The following SBNO1 variants were observed in gnomAD, a reference collection of about 807,000 sequenced individuals.
SBNO1 encodes the protein strawberry notch homolog 1.
A neutral mutation model predicts 173.6 loss-of-function variants in SBNO1; 23 were observed. The ratio of observed to expected loss-of-function variants is 0.13; its 90% CI spans 0.10 to 0.19. SBNO1 has a LOEUF of 0.19. Among genes scored for constraint, SBNO1 ranks in the 10% least tolerant of loss-of-function variants. SBNO1 has a pLI of 1.00. For missense variants in SBNO1, 1,238 were observed against 1,671.2 expected (o/e 0.74, Z 4.52); for synonymous variants, 632 against 571.5 (o/e 1.11, Z -1.51).
At chr12:123,315,772 A>G in intron 21 of SBNO1, 112 bp from the exon 22 acceptor site, 1 of 633,298 alleles carries the variant, frequency 1.6e-6, no homozygotes, top group Admixed American at 2.7e-5. Context: ...ACCACTAAAC[A>G]ATAAAAATTA....
At chr12:123,329,588 T>C (rs936030993) in intron 9 of SBNO1, among the ~76,000 whole-genome samples, 1 of 151,358 alleles carries the variant, frequency 6.6e-6, no homozygotes, top group Non-Finnish European at 1.5e-5. Context: ...AATACTACTC[T>C]GAAATTTAAA....
At chr12:123,316,522 C>G (rs1382570173) in intron 21 of SBNO1, among the ~76,000 whole-genome samples, 1 of 151,716 alleles carries the variant, frequency 6.6e-6, no homozygotes, top group East Asian at 1.9e-4. Context: ...CTGCGCCCAG[C>G]CTGTTTTTGT....
chr12:123,297,782 C>T (rs2048658159), intron 31 of SBNO1, among the ~76,000 whole-genome samples, 196 bp downstream of exon 31: 1 of 152,122 alleles, frequency 6.6e-6, no homozygotes, highest in South Asian at 2.1e-4. Flanking sequence ...CACATCATAA[C>T]TTCAACCAGA....
chr12:123,303,894 A>C (rs2048851261), intron 29 of SBNO1, among the ~76,000 whole-genome samples: 1 of 151,238 alleles, frequency 6.6e-6, no homozygotes, highest in African/African-American at 2.4e-5. Flanking sequence ...TATCTTAAAC[A>C]ATTTCAATAT....
At chr12:123,361,341 G>C (rs532493769) in intron 1 of SBNO1, among the ~76,000 whole-genome samples, 1 of 152,098 alleles carries the variant, frequency 6.6e-6, no homozygotes, top group South Asian at 2.1e-4. Context: ...CTCAGGTCGG[G>C]AGTTCAAGAA....
rs1267855495 is a variant in SBNO1, at chr12:123,348,091, C to T, written c.175G>A (p.Ala59Thr). ...GGTTCTTGTTTAACAGGAACTGCTG[C>T]TTCGGTCTCCAAACCTAGTTCTAAT... is the stretch of plus-strand genomic sequence containing the variant. ...SALELGLETEAAVPVKQEPET... is the reference protein window; with the variant it reads ...SALELGLETETAVPVKQEPET... Residue 59 changes from alanine (A) to threonine (T), a missense_variant, in exon 3 of 32, where the codon GCA becomes ACA. By Grantham distance (58) the Ala-to-Thr change is moderately conservative. This residue lies in a region of SBNO1 where 287 missense variants were observed against 274.1 expected (regional missense o/e 1.05). Coordinates refer to ENST00000602398, the MANE Select transcript of SBNO1 (RefSeq NM_001167856.3). 6.2e-7 allele frequency: 1 copy of T among 1,611,934 alleles called. No individual in the cohort carries two copies. Among genetic ancestry groups the T allele is most frequent in the Non-Finnish European group, 8.5e-7 (1 of 1,178,366 alleles).
chr12:123,321,403 G>A (rs11057265), intron 17 of SBNO1, 132 bp downstream of exon 17: 16,896 of 697,092 alleles, frequency 0.024, 279 homozygotes, highest in Non-Finnish European at 0.03. Flanking sequence ...GATAAGCCTG[G>A]AGCTTTCCAC....
intron 1 of SBNO1, among the ~76,000 whole-genome samples, chr12:123,354,550 C>A (rs1053044129): frequency 3.3e-5 from 5 of 152,110 alleles, no homozygotes; most frequent in African/African-American, 1.2e-4. Flanking sequence ...TTAGGCAAAA[C>A]CCTTAGTATG....
intron 1 of SBNO1, among the ~76,000 whole-genome samples, chr12:123,362,779 A>T (rs1875505086): frequency 6.6e-6 from 1 of 151,296 alleles, no homozygotes; most frequent in Non-Finnish European, 1.5e-5. Flanking sequence ...AAAAAAAAAA[A>T]AAAAAAAAAA....
chr12:123,322,590 C>A (rs1398485548), intron 16 of SBNO1, among the ~76,000 whole-genome samples: 1 of 151,884 alleles, frequency 6.6e-6, no homozygotes, highest in Non-Finnish European at 1.5e-5. Flanking sequence ...AGCCACTGTG[C>A]CCGGCGAGAA....
Position 123,340,303 on chromosome 12 carries a change from G to A in SBNO1, c.651+685C>T, listed in dbSNP as rs150202132. Among the ~76,000 whole-genome samples the A allele has an allele frequency of 3.2e-4, 49 of 152,186 alleles. No individual in the cohort carries two copies. In the East Asian group the frequency reaches 4.8e-3, roughly 15 times the overall value. Reference sequence around the variant, plus strand: ...AAATGTTAAGAATTCTAACCAGGCCGGGTGCAGTGGCTCACGCCTGTAATC... The same window carrying A: ...AAATGTTAAGAATTCTAACCAGGCCAGGTGCAGTGGCTCACGCCTGTAATC... On this transcript the variant is annotated intron_variant, in intron 5 of 31. Transcript: ENST00000602398.
chr12:123,311,082 G>A lies in SBNO1; in HGVS notation c.3268C>T (p.Arg1090Cys), dbSNP rs546657066. The stretch of plus-strand genomic sequence containing the variant: ...TTATCGAGAGTAAGAATTCCCGAGC[G>A]ATCTTCTACATTTATCAGGCCAACG... ...IGVGLINVED[R>C]SGILTLDKDY... Residue 1090 changes from arginine (R) to cysteine (C), a missense_variant, in exon 25 of 32, where the codon CGC becomes TGC. Arg to Cys is a radical substitution (Grantham distance 180). This residue lies in a region of SBNO1 where 351 missense variants were observed against 420.3 expected (regional missense o/e 0.84). Coordinates refer to ENST00000602398, the MANE Select transcript of SBNO1 (RefSeq NM_001167856.3). 41 of 1,613,362 alleles carry A rather than the reference G, an allele frequency of 2.5e-5. No individual in the cohort carries two copies. Among genetic ancestry groups the A allele is most frequent in the African/African-American group, 5.3e-5 (4 of 75,036 alleles).
intron 5 of SBNO1, among the ~76,000 whole-genome samples, chr12:123,339,157 T>G (rs1307735578): frequency 6.6e-6 from 1 of 152,182 alleles, no homozygotes; most frequent in Admixed American, 6.6e-5. Context: ...ACTATTGTTC[T>G]CCTGGTTCCC....
rs770203647 is a variant in SBNO1, at chr12:123,348,049, G to C, written c.217C>G (p.Pro73Ala). ...VKQEPETVPT[P>A]ALLNVRQQPP... ...CTTACCCTCACATTTAATAGTGCTGGAGTAGGTACAGTCTCTGGTTCTTGT... is the reference window on the plus strand; with the variant it reads ...CTTACCCTCACATTTAATAGTGCTGCAGTAGGTACAGTCTCTGGTTCTTGT... Residue 73 changes from proline (P) to alanine (A), a missense_variant, in exon 3 of 32, where the codon CCA (proline) becomes GCA (alanine). Transcript: ENST00000602398. The C allele has an allele frequency of 2.5e-6, 4 of 1,604,264 alleles. No homozygotes were observed. The highest frequency in any genetic ancestry group is 1.7e-5 in the Admixed American group (1 of 59,906).
At position 123,303,001 on chromosome 12, in the gene SBNO1, C is replaced by A. The variant is rs570427677; in HGVS notation, c.3769-101G>T. Reference sequence around the variant, plus strand: ...CTAGAGGTAGCCAATTTAAAATAATCTCTACACAAAAAGCCTAACCCTTGC... The same window carrying A: ...CTAGAGGTAGCCAATTTAAAATAATATCTACACAAAAAGCCTAACCCTTGC... On this transcript the variant is annotated intron_variant, in intron 29 of 31. Coordinates refer to ENST00000602398, the MANE Select transcript of SBNO1 (RefSeq NM_001167856.3). The A allele has an allele frequency of 4.8e-5, 42 of 870,458 alleles. 1 individual carries two copies. The highest frequency in any genetic ancestry group is 4.4e-4 in the South Asian group (30 of 68,584). The allele number at this position is 870,458 out of a possible 1,614,324, so 53.9% of individuals were successfully genotyped here. A position where few individuals can be genotyped will look rare whatever the true frequency, so the allele number is the denominator to read the frequency against.
chr12:123,334,020 A>G, intron 7 of SBNO1, 33 bp downstream of exon 7: 2 of 1,438,336 alleles, frequency 1.4e-6, no homozygotes, highest in Non-Finnish European at 1.9e-6. Context: ...ATAGGATAAA[A>G]TAATTATTGT....
chr12:123,298,347 A>G (rs1024196091), intron 30 of SBNO1, among the ~76,000 whole-genome samples, 176 bp from the exon 31 acceptor site: 13 of 151,934 alleles, frequency 8.6e-5, no homozygotes, highest in African/African-American at 2.7e-4. Context: ...GCTCATTGCA[A>G]CCTCTGCCTC....
chr12:123,306,972 TAGG>T (rs1021404226), intron 28 of SBNO1, among the ~76,000 whole-genome samples: 2 of 137,360 alleles, frequency 1.5e-5, no homozygotes, highest in African/African-American at 5.5e-5. Flanking sequence ...CATTTAAGCC[TAGG>T]AGTTTGAGAC....
Position 123,327,885 on chromosome 12 carries a change from T to C in SBNO1, c.1432+7A>G, listed in dbSNP as rs1016288517. On this transcript the variant is annotated splice_region_variant and intron_variant, in intron 11 of 31. Coordinates refer to ENST00000602398, the MANE Select transcript of SBNO1 (RefSeq NM_001167856.3). The stretch of plus-strand genomic sequence containing the variant: ...CAATATATATTTTTAAATAAATAAA[T>C]ACTCACCAGTTGCACTAGCATAAAC... 8.1e-6 allele frequency: 13 copies of C among 1,602,698 alleles called. No individual in the cohort carries two copies. The highest frequency in any genetic ancestry group is 1.1e-5 in the Non-Finnish European group (13 of 1,173,344).
Sources: allele counts gnomAD v4.1 joint callset (sites outside exome capture counted in the v4.1 genomes callset), GRCh38; gene constraint gnomAD v4.1.1; regional missense constraint gnomAD v4.1.1; transcripts MANE v1.5; gene names NCBI Gene and HGNC (gene_info 2026-07-23, HGNC 2026-07-21).